SMC1A: variants seen among roughly 807,000 people sequenced by gnomAD.
The protein encoded by SMC1A is structural maintenance of chromosomes protein 1A.
Under a neutral mutation model 94.5 loss-of-function variants are expected in SMC1A, and 4 were observed. The observed-to-expected ratio is 0.04, with a 90% CI of 0.02 to 0.10. SMC1A has a LOEUF of 0.10. Ranked by LOEUF, SMC1A falls within the 10% of genes least tolerant of loss-of-function variation. The pLI is 1.00. For missense variants in SMC1A, 304 were observed against 989.0 expected, an observed-to-expected ratio of 0.31 and a Z score of 9.29; for synonymous variants, 345 against 347.7, an observed-to-expected ratio of 0.99 and a Z score of 0.09.
Position 53,412,196 on chromosome X carries a change from G to A in SMC1A, c.912C>T (p.Asn304=), listed in dbSNP as rs782636844. 1.7e-6 allele frequency: 2 copies of A among 1,209,075 alleles called. No individual in the cohort carries two copies. The highest frequency in any genetic ancestry group is 1.1e-6 in the Non-Finnish European group (1 of 894,719). ...KRPQYIKAKE[N]TSHKIKKLEA... Reference sequence around the variant, plus strand: ...CCAGCTTCTTGATTTTGTGGGAGGTGTTCTCCTTGGCTTTGATGTACTGAG... The same window carrying A: ...CCAGCTTCTTGATTTTGTGGGAGGTATTCTCCTTGGCTTTGATGTACTGAG... The change falls in exon 6 of 25, where the codon AAC becomes AAT. Residue 304 remains asparagine, a synonymous_variant. Transcript: ENST00000322213.
At chrX:53,414,062 C>A (rs2075723072) in intron 3 of SMC1A, among the ~76,000 whole-genome samples, 1 of 72,543 alleles carries the variant, frequency 1.4e-5, no homozygotes, top group East Asian at 4.3e-4. Flanking sequence ...AGGTGACAAG[C>A]GAAACTCCGT....
At chrX:53,383,030 G>A in intron 20 of SMC1A, 67 bp downstream of exon 20, 1 of 1,033,050 alleles carries the variant, frequency 9.7e-7, no homozygotes, top group African/African-American at 1.8e-5. Flanking sequence ...GTGATGTATA[G>A]CAGGCCCGTG....
At chrX:53,414,917 C>T in intron 2 of SMC1A, 47 bp from the exon 3 acceptor site, 1 of 1,194,776 alleles carries the variant, frequency 8.4e-7, no homozygotes, top group Non-Finnish European at 1.1e-6. Context: ...TCCTTCCTGT[C>T]CCAATCAACT....
rs1036529354 is a variant in SMC1A, at chrX:53,383,333, T to C, written c.2974-80A>G. The C allele has an allele frequency of 3.1e-5, 32 of 1,031,509 alleles. No individual in the cohort carries two copies. The East Asian group carries it at 1.0e-3, about 33-fold the overall frequency. The allele number at this position is 1,031,509 out of a possible 1,213,427, so 85.0% of individuals were successfully genotyped here. On this transcript the variant is annotated intron_variant, in intron 19 of 24. Coordinates refer to ENST00000322213, the MANE Select transcript of SMC1A (RefSeq NM_006306.4). ...CCCCACCGAAAGATGACTGACTGAG[T>C]GTGGCCTGGGCGCCTGCTCCTATAC...
intron 5 of SMC1A, 151 bp from the exon 6 acceptor site, chrX:53,412,404 A>C: frequency 1.8e-6 from 1 of 561,691 alleles, no homozygotes; most frequent in Admixed American, 3.6e-5. Flanking sequence ...GATCCTGAAA[A>C]AAAGGGGCAG....
chrX:53,399,115 G>A (rs2075662192), intron 16 of SMC1A, among the ~76,000 whole-genome samples: 2 of 111,130 alleles, frequency 1.8e-5, no homozygotes, highest in African/African-American at 6.6e-5. Flanking sequence ...GCAGGCACCT[G>A]TAGTCCCAGC....
chrX:53,391,474 A>G (rs1445091881), intron 19 of SMC1A, among the ~76,000 whole-genome samples: 4 of 110,307 alleles, frequency 3.6e-5, no homozygotes, highest in Admixed American at 9.7e-5. Flanking sequence ...AAAAAAAAAA[A>G]AGAGAAGAAG....
At chrX:53,409,589 A>G (rs1394628225) in intron 7 of SMC1A, 86 bp from the exon 8 acceptor site, 45 of 741,308 alleles carry the variant, frequency 6.1e-5, no homozygotes, top group Admixed American at 5.9e-4. Flanking sequence ...TTATGTGCCC[A>G]CTCATCCAAG....
intron 7 of SMC1A, 73 bp from the exon 8 acceptor site, chrX:53,409,576 C>A (rs1326506363): frequency 1.3e-6 from 1 of 790,670 alleles, no homozygotes; most frequent in African/African-American, 2.0e-5. Context: ...TAGATCACAC[C>A]CTTTATGTGC....
chrX:53,422,142 G>A (rs949067975), intron 1 of SMC1A: 2 of 956,251 alleles, frequency 2.1e-6, no homozygotes, highest in Non-Finnish European at 2.9e-6. Context: ...AGCCGGCTCC[G>A]GCCGGTCCGG....
intron 16 of SMC1A, among the ~76,000 whole-genome samples, chrX:53,399,293 T>C (rs1338464522): frequency 4.4e-5 from 5 of 112,558 alleles, no homozygotes. Context: ...TTGAGCATTG[T>C]GTCTTCTGTT....
At chrX:53,414,315 A>G (rs2075724309) in intron 3 of SMC1A, among the ~76,000 whole-genome samples, 1 of 111,134 alleles carries the variant, frequency 9.0e-6, no homozygotes, top group Admixed American at 9.7e-5. Context: ...TTTGGATCTC[A>G]TCCTAAGGCA....
intron 13 of SMC1A, among the ~76,000 whole-genome samples, chrX:53,404,454 T>A (rs1556889360): frequency 9.0e-6 from 1 of 110,723 alleles, no homozygotes. Flanking sequence ...TCTTAAGCAC[T>A]TTACATGTTA....
chrX:53,380,594 T>A, intron 24 of SMC1A, 26 bp downstream of exon 24: 2 of 984,757 alleles, frequency 2.0e-6, no homozygotes, highest in Non-Finnish European at 2.9e-6. Context: ...GGAGTAGGAC[T>A]GGCTCCTGAG....
chrX:53,421,916 T>C, intron 1 of SMC1A: 1 of 1,075,380 alleles, frequency 9.3e-7, no homozygotes, highest in South Asian at 1.9e-5. Context: ...CGGTGGGGGG[T>C]GGGGATCGAC....
intron 18 of SMC1A, among the ~76,000 whole-genome samples, chrX:53,395,275 G>A (rs782156214): frequency 3.6e-5 from 4 of 112,317 alleles, no homozygotes; most frequent in African/African-American, 1.3e-4. Flanking sequence ...ACTGGGAGGC[G>A]GAGGCTGCAG....
intron 1 of SMC1A, among the ~76,000 whole-genome samples, chrX:53,419,337 G>C (rs1439294821): frequency 9.2e-6 from 1 of 109,229 alleles, no homozygotes; most frequent in African/African-American, 3.3e-5. Flanking sequence ...GACCAGCCTG[G>C]ACAACATGGC....
Position 53,404,411 on chromosome X carries a change from A to AATAGC in SMC1A, c.2197-523_2197-519dup, listed in dbSNP as rs781786037. 3.7e-5 allele frequency among the ~76,000 whole-genome samples: 4 copies of AATAGC among 109,446 alleles called. No individual in the cohort carries two copies. The Admixed American group carries it at 3.9e-4, about 11-fold the overall frequency. On this transcript the variant is annotated intron_variant, in intron 13 of 24. Coordinates refer to ENST00000322213, the MANE Select transcript of SMC1A (RefSeq NM_006306.4). ...TGTTGAATGAATAAATTATGCTAAC[A>AATAGC]ATAGCACATAACATAAACTGAACAC...
chrX:53,407,495 C>T (rs782749000), intron 9 of SMC1A, among the ~76,000 whole-genome samples: 1 of 112,197 alleles, frequency 8.9e-6, no homozygotes, highest in South Asian at 3.7e-4. Context: ...AATGGGTAAA[C>T]ATAAGTAAAA....
Sources: allele counts gnomAD v4.1 joint callset (sites outside exome capture counted in the v4.1 genomes callset), GRCh38; gene constraint gnomAD v4.1.1; transcripts MANE v1.5; gene names NCBI Gene and HGNC (gene_info 2026-07-23, HGNC 2026-07-21).